The following SLC25A23 variants were observed in gnomAD, a reference collection of about 807,000 sequenced individuals.
SLC25A23 encodes the protein solute carrier family 25 member 23.
Under a neutral mutation model 53.9 loss-of-function variants are expected in SLC25A23, and 32 were observed. The observed-to-expected ratio is 0.59, with a 90% CI of 0.45 to 0.80. The LOEUF is 0.80. Among genes scored for constraint, SLC25A23 ranks in the 30% least tolerant of loss-of-function variants. The pLI, the probability that SLC25A23 is intolerant of heterozygous loss-of-function variation, is 0.00. For synonymous variants in SLC25A23, 275 were observed against 264.5 expected (o/e 1.04, Z -0.38); for missense variants, 575 against 651.4 (o/e 0.88, Z 1.28).
intron 2 of SLC25A23, 139 bp downstream of exon 2, chr19:6,458,059 C>T (rs1200671759): frequency 2.6e-6 from 3 of 1,175,014 alleles, no homozygotes; most frequent in East Asian, 5.1e-5. Flanking sequence ...AGGAGTGCTC[C>T]TGAAATAGCC....
rs187418729 is a variant in SLC25A23, at chr19:6,450,953, C to T, written c.1071+1359G>A. Reference sequence around the variant, plus strand: ...ATTAGCCAGGCGTGGTGGCAGGCACCTGTAATCTCAGCTACTCGGGAGGCT... The same window carrying T: ...ATTAGCCAGGCGTGGTGGCAGGCACTTGTAATCTCAGCTACTCGGGAGGCT... On this transcript the variant is annotated intron_variant, in intron 8 of 9. Coordinates refer to ENST00000301454, the MANE Select transcript of SLC25A23 (RefSeq NM_024103.3). Among the ~76,000 whole-genome samples the T allele has an allele frequency of 1.9e-4, 29 of 151,724 alleles. 1 individual carries two copies. The highest frequency in any genetic ancestry group is 3.9e-4 in the Admixed American group (6 of 15,218).
chr19:6,444,463 A>C (rs2144819985), intron 8 of SLC25A23, among the ~76,000 whole-genome samples, 162 bp from the exon 9 acceptor site: 1 of 152,244 alleles, frequency 6.6e-6, no homozygotes, highest in East Asian at 1.9e-4. Context: ...CCCCTCACCC[A>C]GTCCTCATCT....
Position 6,459,422 on chromosome 19 carries a change from C to A in SLC25A23, c.156+51G>T. The A allele has an allele frequency of 6.6e-7, 1 of 1,510,906 alleles. No individual in the cohort carries two copies. Among genetic ancestry groups the A allele is most frequent in the Admixed American group, 2.0e-5 (1 of 50,404 alleles). The allele number at this position is 1,510,906 out of a possible 1,614,324, so 93.6% of individuals were successfully genotyped here. On this transcript the variant is annotated intron_variant, in intron 1 of 9. Coordinates refer to ENST00000301454, the MANE Select transcript of SLC25A23 (RefSeq NM_024103.3). This position sits in a 1 kb window ranked among gnomAD's most constrained non-coding sequence, Gnocchi z 4.6. ...CCGCCCAGTTCAGGGGCTTGGGTAA[C>A]CGGGAGCGGGCGGGGCCGGGAGGGG...
downstream of SLC25A23, chr19:6,438,763 C>T (rs1322144894): frequency 1.2e-5 from 4 of 324,576 alleles, no homozygotes; most frequent in South Asian, 2.3e-5. Flanking sequence ...GCAGGAGAAT[C>T]GCTTGAACCT....
chr19:6,436,846 T>C (rs349090), downstream of SLC25A23, among the ~76,000 whole-genome samples: 88,010 of 151,042 alleles, frequency 0.58, 26,853 homozygotes, highest in African/African-American at 0.76. Flanking sequence ...CTGCACCCAA[T>C]CTTTTATTTT....
At chr19:6,458,621 A>G (rs1346499550) in intron 1 of SLC25A23, among the ~76,000 whole-genome samples, 3 of 152,206 alleles carry the variant, frequency 2.0e-5, no homozygotes, top group Admixed American at 1.3e-4. Context: ...CTCAGTTCTC[A>G]TCTGTAAAGC....
chr19:6,442,961 G>C (rs1335430396), intron 9 of SLC25A23, among the ~76,000 whole-genome samples: 1 of 122,422 alleles, frequency 8.2e-6, no homozygotes, highest in Admixed American at 9.2e-5. Flanking sequence ...TTTTGAGACA[G>C]AGTTTTCACT....
At chr19:6,443,088 G>A (rs935725803) in intron 9 of SLC25A23, among the ~76,000 whole-genome samples, 2 of 151,450 alleles carry the variant, frequency 1.3e-5, no homozygotes, top group Non-Finnish European at 2.9e-5. Context: ...ACAGGCGCCT[G>A]CTATCACACC....
chr19:6,455,459 A>T (rs1262389125), intron 4 of SLC25A23, among the ~76,000 whole-genome samples: 1 of 151,896 alleles, frequency 6.6e-6, no homozygotes, highest in Non-Finnish European at 1.5e-5. Context: ...TCTCCTCCAC[A>T]TGGAGTCCCC....
rs994771443 is a variant in SLC25A23 at position 6,459,093 on chromosome 19, C to T, written c.156+380G>A. 4.6e-5 allele frequency among the ~76,000 whole-genome samples: 7 copies of T among 152,186 alleles called. No homozygotes were observed. The East Asian group carries it at 1.4e-3, about 29-fold the overall frequency. On this transcript the variant is annotated intron_variant, in intron 1 of 9. Transcript: ENST00000301454. This position sits in a 1 kb window ranked among gnomAD's most constrained non-coding sequence, Gnocchi z 4.6. ...GGATCGGGGCAGCTGCAGGCCAGGG[C>T]AGTAGGTGCCCAGAGGATGGAGGGT...
downstream of SLC25A23, among the ~76,000 whole-genome samples, chr19:6,439,507 GA>G (rs1335627696): frequency 4.0e-5 from 6 of 151,008 alleles, no homozygotes; most frequent in Admixed American, 1.3e-4. Flanking sequence ...AGGATAATTT[GA>G]AAAAAAATTG....
At chr19:6,444,727 G>A (rs2092477730) in intron 8 of SLC25A23, among the ~76,000 whole-genome samples, 1 of 152,040 alleles carries the variant, frequency 6.6e-6, no homozygotes, top group Non-Finnish European at 1.5e-5. Context: ...GAGTGCAGTG[G>A]TGTGATCTTG....
intron 8 of SLC25A23, among the ~76,000 whole-genome samples, chr19:6,450,939 G>A (rs370274535): frequency 9.0e-4 from 137 of 151,730 alleles, no homozygotes; most frequent in African/African-American, 3.1e-3. Context: ...TTAGCCAGGC[G>A]TGGTGGCAGG....
chr19:6,443,498 G>T, intron 9 of SLC25A23: 1 of 670,606 alleles, frequency 1.5e-6, no homozygotes, highest in South Asian at 1.6e-5. Context: ...AAAGTGCTGG[G>T]ATTACAGATG....
In SLC25A23 at chr19:6,455,707, G is replaced by GTTTTTTTTTT. The variant is rs529957147; in HGVS notation, c.483+703_483+712dup. 1.5e-4 allele frequency among the ~76,000 whole-genome samples: 19 copies of GTTTTTTTTTT among 124,956 alleles called. 3 individuals are homozygous for GTTTTTTTTTT. The highest frequency in any genetic ancestry group is 5.8e-4 in the African/African-American group (19 of 32,638). The allele number at this position is 124,956 out of a possible 152,430, so 82.0% of individuals were successfully genotyped here. ...TCCCATTGGATCCTCTGAAGACCGTGTTTTTTTTTTTTTTTTTTTTTTTTT... is the reference window on the plus strand; with the variant it reads ...TCCCATTGGATCCTCTGAAGACCGTGTTTTTTTTTTTTTTTTTTTTTTTTTTTTTTTTTTT... On this transcript the variant is annotated intron_variant, in intron 4 of 9. Coordinates refer to ENST00000301454, the MANE Select transcript of SLC25A23 (RefSeq NM_024103.3).
chr19:6,438,059 A>C (rs1333374053), downstream of SLC25A23: 1 of 151,584 alleles, frequency 6.6e-6, no homozygotes, highest in East Asian at 1.9e-4. Flanking sequence ...AAAAAAAAAA[A>C]AACAAACTTG....
intron 8 of SLC25A23, among the ~76,000 whole-genome samples, chr19:6,448,189 C>T (rs2092534237): frequency 6.6e-6 from 1 of 152,176 alleles, no homozygotes; most frequent in African/African-American, 2.4e-5. Context: ...TTATAGGTTT[C>T]ATTTCCTATG....
At chr19:6,457,009 G>A (rs1263503936) in intron 3 of SLC25A23, among the ~76,000 whole-genome samples, 1 of 151,994 alleles carries the variant, frequency 6.6e-6, no homozygotes, top group East Asian at 1.9e-4. Context: ...GGGGGAAACG[G>A]GCTAAGAGAG....
At chr19:6,444,556 A>G (rs1330700236) in intron 8 of SLC25A23, among the ~76,000 whole-genome samples, 1 of 152,206 alleles carries the variant, frequency 6.6e-6, no homozygotes, top group East Asian at 1.9e-4. Flanking sequence ...GTTACCCAAG[A>G]TGACACAAAG....
Sources: allele counts gnomAD v4.1 joint callset (sites outside exome capture counted in the v4.1 genomes callset), GRCh38; gene constraint gnomAD v4.1.1; non-coding constraint Gnocchi (gnomAD v3.1); transcripts MANE v1.5; gene names NCBI Gene and HGNC (gene_info 2026-07-23, HGNC 2026-07-21).